SLC9A6: variants seen among roughly 807,000 people sequenced by gnomAD.
The protein encoded by SLC9A6 is sodium/hydrogen exchanger 6.
A neutral mutation model predicts 45.3 loss-of-function variants in SLC9A6; 6 were observed. The ratio of observed to expected loss-of-function variants is 0.13; its 90% confidence interval spans 0.07 to 0.26. The LOEUF is 0.26. SLC9A6 is among the 10% of genes least tolerant of loss of function. SLC9A6 has a pLI of 1.00. For missense variants in SLC9A6, 278 were observed against 503.7 expected, an observed-to-expected ratio of 0.55 and a Z score of 4.29; for synonymous variants, 191 against 187.7, an observed-to-expected ratio of 1.02 and a Z score of -0.14.
At chrX:136,008,930 T>G (rs781869766) in intron 7 of SLC9A6, among the ~76,000 whole-genome samples, 27 of 112,227 alleles carry the variant, frequency 2.4e-4, no homozygotes, top group Non-Finnish European at 4.1e-4. Flanking sequence ...TTTTAATGAT[T>G]AAAGAATGAA....
intron 1 of SLC9A6, chrX:135,975,143 T>G (rs1237185122): frequency 8.9e-6 from 1 of 112,924 alleles, no homozygotes; most frequent in African/African-American, 3.2e-5. Context: ...GCTCCAGGGC[T>G]GCATTTCTGA....
At position 135,985,635 on chromosome X, in the gene SLC9A6, G is replaced by T. The variant is rs1556614763; in HGVS notation, c.-24G>T. On this transcript the variant is annotated 5_prime_UTR_variant, in exon 2 of 18. Transcript: ENST00000630721. ...CTTTGACTGGGCAGGGGCTTCGGAC[G>T]GCGGCGGCGGAGAGGCTAGAGCCAT... 1 of 1,211,065 alleles carries T rather than the reference G, an allele frequency of 8.3e-7. No individual in the cohort carries two copies.
intron 8 of SLC9A6, among the ~76,000 whole-genome samples, chrX:136,011,290 A>T (rs1556618613): frequency 8.9e-6 from 1 of 112,243 alleles, no homozygotes; most frequent in East Asian, 2.8e-4. Flanking sequence ...CCCAGGCTGG[A>T]GTGCAATGGC....
chrX:136,022,853 A>G (rs782074551), intron 12 of SLC9A6, among the ~76,000 whole-genome samples, 156 bp downstream of exon 12: 13 of 110,057 alleles, frequency 1.2e-4, no homozygotes, highest in Admixed American at 3.9e-4. Flanking sequence ...TCTGTCGCCC[A>G]GGCTGTAGTG....
chrX:135,994,847 G>A lies in SLC9A6; in HGVS notation c.231G>A (p.Val77=). The A allele has an allele frequency of 5.0e-6, 6 of 1,211,382 alleles. No homozygotes were observed. Among genetic ancestry groups the A allele is most frequent in the Non-Finnish European group, 6.7e-6 (6 of 895,236 alleles). Residue 77 remains valine (V), a synonymous_variant, in exon 3 of 18, where the codon GTG becomes GTA. Transcript: ENST00000630721. ...GIHVPSDVNN[V]TLSCEVQSSP... Reference sequence around the variant, plus strand: ...ATGTTCCGAGTGATGTAAATAATGTGACCCTGAGCTGTGAAGTGCAGTCAA... The same window carrying A: ...ATGTTCCGAGTGATGTAAATAATGTAACCCTGAGCTGTGAAGTGCAGTCAA...
intron 3 of SLC9A6, among the ~76,000 whole-genome samples, chrX:135,997,769 A>G (rs1198087054): frequency 9.0e-6 from 1 of 110,529 alleles, no homozygotes; most frequent in Non-Finnish European, 1.9e-5. Flanking sequence ...TCTGTCACCC[A>G]GGCTGGAGTG....
intron 8 of SLC9A6, among the ~76,000 whole-genome samples, chrX:136,011,531 C>T (rs782619224): frequency 7.2e-5 from 8 of 110,997 alleles, no homozygotes; most frequent in East Asian, 2.9e-4. Flanking sequence ...CATGAGCCAC[C>T]GTGCCCGGCC....
At chrX:136,040,994 A>G (rs1556622514) in intron 17 of SLC9A6, among the ~76,000 whole-genome samples, 1 of 110,668 alleles carries the variant, frequency 9.0e-6, no homozygotes, top group African/African-American at 3.3e-5. Context: ...AGTGGCGTGC[A>G]CCTGTAATCC....
chrX:136,012,653 C>G (rs1556618806), intron 8 of SLC9A6, among the ~76,000 whole-genome samples: 1 of 112,570 alleles, frequency 8.9e-6, no homozygotes, highest in African/African-American at 3.2e-5. Flanking sequence ...TAGATCTGAT[C>G]TGTTACTCCC....
At chrX:136,010,378 C>A in intron 7 of SLC9A6, 64 bp from the exon 8 acceptor site, 1 of 1,128,086 alleles carries the variant, frequency 8.9e-7, no homozygotes, top group Middle Eastern at 2.4e-4. Flanking sequence ...AAGCTCTATA[C>A]TACATAATGT....
intron 2 of SLC9A6, among the ~76,000 whole-genome samples, chrX:135,988,573 T>A (rs2089381646): frequency 9.4e-6 from 1 of 106,934 alleles, no homozygotes; most frequent in East Asian, 2.9e-4. Context: ...CAAAGTATTT[T>A]CAATAGCATG....
intron 15 of SLC9A6, among the ~76,000 whole-genome samples, chrX:136,030,925 T>G (rs1176039772): frequency 8.9e-6 from 1 of 112,341 alleles, no homozygotes. Flanking sequence ...AACACAATTT[T>G]TTTCTTGTCA....
At chrX:136,011,279 G>T (rs1249890426) in intron 8 of SLC9A6, among the ~76,000 whole-genome samples, 2 of 111,439 alleles carry the variant, frequency 1.8e-5, no homozygotes, top group Non-Finnish European at 3.8e-5. Context: ...TCACTCTTTC[G>T]CCCAGGCTGG....
At chrX:136,035,760 G>A (rs1412136146) in intron 16 of SLC9A6, among the ~76,000 whole-genome samples, 1 of 110,396 alleles carries the variant, frequency 9.1e-6, no homozygotes, top group African/African-American at 3.3e-5. Flanking sequence ...TTGTTTGTTT[G>A]TTTGTTTGTT....
At chrX:136,024,777 G>A (rs45479096) in intron 13 of SLC9A6, among the ~76,000 whole-genome samples, 37 of 111,645 alleles carry the variant, frequency 3.3e-4, no homozygotes, top group Non-Finnish European at 6.2e-4. Flanking sequence ...AATATAGCAT[G>A]GACATTTACA....
rs2070951073 is a variant in SLC9A6, at chrX:136,012,935, C to T, written c.886-14C>T. On this transcript the variant is annotated splice_polypyrimidine_tract_variant and intron_variant, in intron 8 of 17. Coordinates refer to ENST00000630721, the MANE Select transcript of SLC9A6 (RefSeq NM_001379110.1). ...TGTGTTACAAGATCTCATTACTAGC[C>T]TTAACAGTCTTACGTGACAAAGTTC... The T allele has an allele frequency of 8.7e-7, 1 of 1,154,264 alleles. No individual in the cohort carries two copies. The highest frequency in any genetic ancestry group is 1.2e-6 in the Non-Finnish European group (1 of 842,952).
At chrX:135,995,483 C>T (rs1251841425) in intron 3 of SLC9A6, among the ~76,000 whole-genome samples, 6 of 110,420 alleles carry the variant, frequency 5.4e-5, no homozygotes, top group East Asian at 2.8e-4. Flanking sequence ...CCACCACACC[C>T]GGCTGATTTT....
chrX:136,012,217 C>G (rs1026518104), intron 8 of SLC9A6, among the ~76,000 whole-genome samples: 38 of 113,230 alleles, frequency 3.4e-4, no homozygotes, highest in African/African-American at 1.1e-3. Context: ...CTGGAAGAGG[C>G]TTCTTTTATG....
At chrX:136,010,340 TTTTC>T (rs1335567004) in intron 7 of SLC9A6, 98 bp from the exon 8 acceptor site, 1 of 957,128 alleles carries the variant, frequency 1.0e-6, no homozygotes, top group East Asian at 3.2e-5. Context: ...GAAAGCTTGT[TTTTC>T]TTCTCCCTCT....
Sources: gnomAD v4.1 joint callset for allele counts (sites outside exome capture counted in the v4.1 genomes callset) on GRCh38, gnomAD v4.1.1 for gene constraint, MANE v1.5 for transcripts, NCBI Gene and HGNC (gene_info 2026-07-23, HGNC 2026-07-21) for gene names.